UNC13C: variants seen among roughly 807,000 people sequenced by gnomAD.
UNC13C encodes the protein unc-13 homolog C.
In UNC13C, 174 loss-of-function variants were observed where a neutral mutation model predicts 245.4. That is an observed-to-expected ratio of 0.71 (90% CI 0.63 to 0.80). The LOEUF (loss-of-function observed/expected upper bound fraction) is 0.80, where lower values mean the gene tolerates loss of function less well. UNC13C is among the 30% of genes least tolerant of loss of function. UNC13C has a pLI of 0.00. For synonymous variants in UNC13C, 992 were observed against 895.1 expected (o/e 1.11, Z -1.93); for missense variants, 2,829 against 2,602.9 (o/e 1.09, Z -1.89).
the UNC13C span, among the ~76,000 whole-genome samples, chr15:53,878,262 C>T: frequency 6.6e-6 from 1 of 152,236 alleles, no homozygotes; most frequent in African/African-American, 2.4e-5. Flanking sequence ...CACCGCCAAA[C>T]CTCAAACCAA....
chr15:53,874,834 G>A, the UNC13C span, among the ~76,000 whole-genome samples: 153 of 152,266 alleles, frequency 1.0e-3, no homozygotes, highest in Middle Eastern at 3.4e-3. Flanking sequence ...GGTGGCTCAC[G>A]CCTGTAATCC....
intron 17 of UNC13C, among the ~76,000 whole-genome samples, chr15:54,378,119 T>C (rs1161561354): frequency 6.6e-6 from 1 of 152,152 alleles, no homozygotes; most frequent in Non-Finnish European, 1.5e-5. Context: ...ACATTTTTAT[T>C]ATGTTACACT....
At chr15:54,317,803 A>G (rs1330051689) in intron 13 of UNC13C, among the ~76,000 whole-genome samples, 1 of 151,966 alleles carries the variant, frequency 6.6e-6, no homozygotes, top group Non-Finnish European at 1.5e-5. Flanking sequence ...CATTAACTAT[A>G]GTCACCATTC....
intron 4 of UNC13C, among the ~76,000 whole-genome samples, chr15:54,179,562 T>C (rs7173427): frequency 0.11 from 16,131 of 151,954 alleles, 1,435 homozygotes; most frequent in African/African-American, 0.24. Flanking sequence ...TTAGAGATAG[T>C]TCAATACATC....
chr15:53,992,986 C>T (rs1894458104), intron 1 of UNC13C, among the ~76,000 whole-genome samples: 2 of 152,154 alleles, frequency 1.3e-5, no homozygotes, highest in African/African-American at 4.8e-5. Context: ...CCAGTGAAAA[C>T]GTTAACAATC....
intron 2 of UNC13C, among the ~76,000 whole-genome samples, chr15:54,018,852 T>C (rs1895775504): frequency 6.6e-6 from 1 of 152,224 alleles, no homozygotes; most frequent in Admixed American, 6.5e-5. Flanking sequence ...CCTAGACCAG[T>C]GTTTTATACC....
At chr15:54,565,734 T>C (rs1356920271) in intron 29 of UNC13C, among the ~76,000 whole-genome samples, 1 of 151,990 alleles carries the variant, frequency 6.6e-6, no homozygotes, top group East Asian at 1.9e-4. Flanking sequence ...AATAATTAAT[T>C]TGTATTACTA....
chr15:53,846,930 C>A, the UNC13C span, among the ~76,000 whole-genome samples: 1 of 152,050 alleles, frequency 6.6e-6, no homozygotes, highest in Non-Finnish European at 1.5e-5. Flanking sequence ...CATAATCTGG[C>A]TTTGGAGGAG....
intron 13 of UNC13C, among the ~76,000 whole-genome samples, chr15:54,303,443 A>G (rs1417625078): frequency 2.0e-5 from 3 of 152,048 alleles, no homozygotes; most frequent in Non-Finnish European, 4.4e-5. Flanking sequence ...CTGGGAGCTG[A>G]TGTTAGATTC....
chr15:54,075,769 T>G (rs1229855755), intron 2 of UNC13C, among the ~76,000 whole-genome samples: 1 of 152,118 alleles, frequency 6.6e-6, no homozygotes, highest in Non-Finnish European at 1.5e-5. Flanking sequence ...GTATATGTAT[T>G]GCATTTATGA....
intron 2 of UNC13C, among the ~76,000 whole-genome samples, chr15:54,111,936 A>G (rs1407940793): frequency 6.6e-6 from 1 of 152,164 alleles, no homozygotes; most frequent in East Asian, 1.9e-4. Flanking sequence ...TTTGATTTAT[A>G]GAGAACCTTT....
chr15:54,322,769 G>C (rs1390916889), intron 14 of UNC13C, among the ~76,000 whole-genome samples: 2 of 152,022 alleles, frequency 1.3e-5, no homozygotes, highest in Non-Finnish European at 2.9e-5. Flanking sequence ...TAAACTAAGA[G>C]TATTTCTAGT....
At chr15:54,571,790 C>A (rs1270027242) in intron 30 of UNC13C, among the ~76,000 whole-genome samples, 2 of 152,072 alleles carry the variant, frequency 1.3e-5, no homozygotes, top group Non-Finnish European at 2.9e-5. Flanking sequence ...AGGGAGCAGC[C>A]CCCTACCAGT....
At chr15:54,551,178 TCTC>T (rs1159336588) in intron 28 of UNC13C, among the ~76,000 whole-genome samples, 1 of 152,072 alleles carries the variant, frequency 6.6e-6, no homozygotes, top group African/African-American at 2.4e-5. Flanking sequence ...ACTCTGCCCT[TCTC>T]CTTGTTTGAT....
At chr15:54,236,894 A>G (rs1308394993) in intron 6 of UNC13C, among the ~76,000 whole-genome samples, 1 of 152,188 alleles carries the variant, frequency 6.6e-6, no homozygotes, top group East Asian at 1.9e-4. Context: ...TAATGGGATA[A>G]CAGTTTTACT....
intron 2 of UNC13C, among the ~76,000 whole-genome samples, chr15:54,083,209 A>G (rs977880106): frequency 1.3e-5 from 2 of 152,102 alleles, no homozygotes; most frequent in African/African-American, 4.8e-5. Context: ...CTTCCCTATC[A>G]TGGCCCTGTT....
intron 13 of UNC13C, among the ~76,000 whole-genome samples, chr15:54,312,022 A>G (rs1465663744): frequency 6.6e-6 from 1 of 151,826 alleles, no homozygotes; most frequent in Non-Finnish European, 1.5e-5. Flanking sequence ...TGTATATTTT[A>G]CATATTTTTT....
chr15:53,895,345 CAAAAAAAAAAAAAAA>C, the UNC13C span, among the ~76,000 whole-genome samples: 1 of 34,280 alleles, frequency 2.9e-5, no homozygotes, highest in Non-Finnish European at 6.0e-5. Flanking sequence ...GATTTCATCT[CAAAAAAAAAAAAAAA>C]AAAAAAAAAA....
intron 30 of UNC13C, among the ~76,000 whole-genome samples, chr15:54,576,220 C>T (rs1342298613): frequency 1.3e-5 from 2 of 152,100 alleles, no homozygotes; most frequent in African/African-American, 4.8e-5. Context: ...TTAAAACTTG[C>T]TAAGGTAGTT....
Sources: allele counts gnomAD v4.1 joint callset (sites outside exome capture counted in the v4.1 genomes callset), GRCh38; gene constraint gnomAD v4.1.1; transcripts MANE v1.5; gene names NCBI Gene and HGNC (gene_info 2026-07-23, HGNC 2026-07-21).